The following HIP1R variants were observed in gnomAD, a reference collection of about 807,000 sequenced individuals.
HIP1R encodes the protein huntingtin interacting protein 1 related, also known as huntingtin-interacting protein 1-related protein.
HIP1R carries 135 observed loss-of-function variants against 144.2 expected under a neutral mutation model. The ratio of observed to expected loss-of-function variants is 0.94; its 90% CI spans 0.81 to 1.08. The LOEUF is 1.08. Among genes scored for constraint, HIP1R ranks in the 50% least tolerant of loss-of-function variants. The pLI, the probability that HIP1R is intolerant of heterozygous loss-of-function variation, is 0.00. For synonymous variants in HIP1R, 698 were observed against 612.8 expected (o/e 1.14, Z -2.05); for missense variants, 1,462 against 1,432.8 (o/e 1.02, Z -0.33).
At position 122,859,401 on chromosome 12, in the gene HIP1R, CCT is replaced by C. The variant is rs772906746; in HGVS notation, c.2296-24_2296-23del. 1.6e-5 allele frequency: 26 copies of C among 1,588,768 alleles called. 1 individual carries two copies. Among genetic ancestry groups the C allele is most frequent in the East Asian group, 6.7e-5 (3 of 44,728 alleles). Reference sequence around the variant, plus strand: ...GGGACGGGGGGGGACGGAGGCTACCCCTGTCTGACTCCCATCCTCACCAGGAA... The same window carrying C: ...GGGACGGGGGGGGACGGAGGCTACCCGTCTGACTCCCATCCTCACCAGGAA... On this transcript the variant is annotated intron_variant, in intron 22 of 31. Transcript: ENST00000253083.
In HIP1R at chr12:122,857,007, A is replaced by T. The variant is rs370242252; in HGVS notation, c.1621-14A>T. ...AGCTCTGTTCACATGCCTGGTGTCC[A>T]TGTCTGTCCACAGAGCAAGTCGGAG... On this transcript the variant is annotated splice_polypyrimidine_tract_variant and intron_variant, in intron 17 of 31. Transcript: ENST00000253083. 875 of 1,548,134 alleles carry T rather than the reference A, an allele frequency of 5.7e-4. 3 individuals carry two copies. Among genetic ancestry groups the T allele is most frequent in the Admixed American group, 2.2e-3 (112 of 51,016 alleles).
At chr12:122,846,396 G>A (rs563329440) in intron 1 of HIP1R, among the ~76,000 whole-genome samples, 2 of 152,176 alleles carry the variant, frequency 1.3e-5, no homozygotes, top group Non-Finnish European at 1.5e-5. Flanking sequence ...GCTGGGAGGC[G>A]AGTTGCCCAT....
At position 122,835,463 on chromosome 12, in the gene HIP1R, G is replaced by A. The variant is rs1475305415; in HGVS notation, c.-88G>A. Reference sequence around the variant, plus strand: ...GGGCGGGCCCGGGCGCGGCGCGGTGGCCTCGCGGTGCCTAGGCTGGGGCTG... The same window carrying A: ...GGGCGGGCCCGGGCGCGGCGCGGTGACCTCGCGGTGCCTAGGCTGGGGCTG... On this transcript the variant is annotated 5_prime_UTR_variant, in exon 1 of 32. Transcript: ENST00000253083. 3 of 1,169,284 alleles carry A rather than the reference G, an allele frequency of 2.6e-6. No individual in the cohort carries two copies. The highest frequency in any genetic ancestry group is 1.6e-5 in the African/African-American group (1 of 61,276). 72.4% of individuals were successfully genotyped at this position (1,169,284 alleles called of 1,614,324 possible).
At chr12:122,854,282 A>G (rs1182176239) in intron 8 of HIP1R, 99 bp downstream of exon 8, 15 of 1,021,908 alleles carry the variant, frequency 1.5e-5, no homozygotes, top group Admixed American at 3.0e-5. Context: ...AGGTTTATTC[A>G]TTTAAAAATG....
chr12:122,860,925 A>G lies in HIP1R; in HGVS notation c.2776A>G (p.Asn926Asp). ...QLVAASKVKA[N>D]KHSPHLSRLQ... ...ACCTCTCGCCCCTCAGGTGAAGGCC[A>G]ACAAGCACAGCCCCCACCTGAGCCG... The change falls in exon 29 of 32, where the codon AAC becomes GAC. Residue 926 changes from asparagine (N) to aspartate (D), a missense_variant. Physicochemically the swap from Asn to Asp is conservative, Grantham distance 23. Coordinates refer to ENST00000253083, the MANE Select transcript of HIP1R (RefSeq NM_003959.3). The G allele has an allele frequency of 6.2e-7, 1 of 1,611,404 alleles. No homozygotes were observed. Among genetic ancestry groups the G allele is most frequent in the Non-Finnish European group, 8.5e-7 (1 of 1,178,790 alleles).
In HIP1R at chr12:122,840,183, G is replaced by A. The variant is rs2033019428; in HGVS notation, c.93+4540G>A. 6.6e-6 allele frequency among the ~76,000 whole-genome samples: 1 copy of A among 152,264 alleles called. No homozygotes were observed. Among genetic ancestry groups the A allele is most frequent in the Admixed American group, 6.5e-5 (1 of 15,290 alleles). ...CCCTGGCAGAGCTATTCCAGAGGCT[G>A]TTCTTGGTCCAGGTTGGGGTGGGAA... On this transcript the variant is annotated intron_variant, in intron 1 of 31. Coordinates refer to ENST00000253083, the MANE Select transcript of HIP1R (RefSeq NM_003959.3). This position sits in a 1 kb window ranked among gnomAD's most constrained non-coding sequence, Gnocchi z 4.2.
At chr12:122,835,337 G>T, upstream of HIP1R, 1 of 944,492 alleles carries the variant, frequency 1.1e-6, no homozygotes, top group Non-Finnish European at 1.3e-6. Flanking sequence ...GGAGTTGGGG[G>T]CGGGCGAGGC....
rs2033480344 is a variant in HIP1R, at chr12:122,854,060, A to G, written c.595A>G (p.Thr199Ala). 1 of 1,613,660 alleles carries G rather than the reference A, an allele frequency of 6.2e-7. No homozygotes were observed. The highest frequency in any genetic ancestry group is 8.5e-7 in the Non-Finnish European group (1 of 1,179,858). ...LSESVFRQLNTAIAVSQMSSG... is the reference protein window; with the variant it reads ...LSESVFRQLNAAIAVSQMSSG... ...TTGCACAGTTTTCCGACAGCTCAAC[A>G]CGGCCATCGCCGTATCCCAGATGTC... is the stretch of plus-strand genomic sequence containing the variant. The change falls in exon 8 of 32, where the codon ACG becomes GCG. Residue 199 changes from threonine to alanine, a missense_variant. Coordinates refer to ENST00000253083, the MANE Select transcript of HIP1R (RefSeq NM_003959.3).
At chr12:122,852,357 A>C (rs753057423) in intron 7 of HIP1R, among the ~76,000 whole-genome samples, 1 of 152,164 alleles carries the variant, frequency 6.6e-6, no homozygotes. Context: ...TGTGGCCCCA[A>C]CTGTGCAGCA....
chr12:122,859,851 C>G, intron 24 of HIP1R, 21 bp downstream of exon 24: 1 of 1,608,798 alleles, frequency 6.2e-7, no homozygotes, highest in African/African-American at 1.3e-5. Flanking sequence ...CTTCTGTCCC[C>G]CCAGGCCCAG....
At chr12:122,845,979 C>T (rs2033198352) in intron 1 of HIP1R, among the ~76,000 whole-genome samples, 1 of 152,206 alleles carries the variant, frequency 6.6e-6, no homozygotes, top group South Asian at 2.1e-4. Flanking sequence ...GAGAAACCCC[C>T]GCATCTCTGT....
intron 18 of HIP1R, chr12:122,857,629 C>A: frequency 3.0e-6 from 1 of 329,080 alleles, no homozygotes; most frequent in East Asian, 6.7e-5. Flanking sequence ...CTGGGTCTCA[C>A]CTCTGTTACC....
chr12:122,855,709 G>T (rs563245140), intron 12 of HIP1R, 97 bp downstream of exon 12: 1 of 1,513,570 alleles, frequency 6.6e-7, no homozygotes, highest in Admixed American at 2.0e-5. Context: ...CCATAGGTGG[G>T]GAACATGAAC....
intron 1 of HIP1R, among the ~76,000 whole-genome samples, chr12:122,838,233 T>C (rs1346362199): frequency 6.6e-6 from 1 of 151,974 alleles, no homozygotes; most frequent in Non-Finnish European, 1.5e-5. Context: ...GTGCCTGTGA[T>C]TGTTGCATGG....
At chr12:122,848,916 C>A (rs1428194430) in intron 4 of HIP1R, 64 bp downstream of exon 4, 15 of 1,533,678 alleles carry the variant, frequency 9.8e-6, no homozygotes, top group Non-Finnish European at 1.4e-5. Context: ...TGGGGCTGAG[C>A]GAAGGGTGGC....
intron 3 of HIP1R, 62 bp downstream of exon 3, chr12:122,848,670 C>T (rs1040843718): frequency 6.3e-7 from 1 of 1,594,466 alleles, no homozygotes; most frequent in African/African-American, 1.3e-5. Context: ...GACATGCGGG[C>T]TCTGGCCCTG....
At chr12:122,838,492 T>C (rs2032969925) in intron 1 of HIP1R, among the ~76,000 whole-genome samples, 1 of 152,178 alleles carries the variant, frequency 6.6e-6, no homozygotes, top group African/African-American at 2.4e-5. Flanking sequence ...AGTAGGTAGA[T>C]AGACCTAGGC....
In HIP1R at chr12:122,840,587, T is replaced by TA. The variant is rs570733215; in HGVS notation, c.93+4945dup. Among the ~76,000 whole-genome samples, 244 of 152,302 alleles carry TA rather than the reference T, an allele frequency of 1.6e-3. 1 individual carries two copies. The highest frequency in any genetic ancestry group is 5.6e-3 in the African/African-American group (234 of 41,552). ...TGAATGCCGTGTAAGTGTTGGCTGTTATGTTGTGTTCAGAAGAGCAGGCTG... is the reference window on the plus strand; with the variant it reads ...TGAATGCCGTGTAAGTGTTGGCTGTTAATGTTGTGTTCAGAAGAGCAGGCTG... On this transcript the variant is annotated intron_variant, in intron 1 of 31. Transcript: ENST00000253083. The surrounding 1 kb of genome is among the most constrained non-coding windows in gnomAD (Gnocchi z 4.2).
intron 29 of HIP1R, 23 bp from the exon 30 acceptor site, chr12:122,861,108 A>AC (rs34505207): frequency 2.5e-6 from 4 of 1,612,658 alleles, no homozygotes; most frequent in Non-Finnish European, 2.5e-6. Context: ...CCAGATGTTC[A>AC]CCCCCTTGTC....
Sources: gnomAD v4.1 joint callset for allele counts (sites outside exome capture counted in the v4.1 genomes callset) on GRCh38, gnomAD v4.1.1 for gene constraint, Gnocchi (gnomAD v3.1) non-coding constraint, MANE v1.5 for transcripts, NCBI Gene and HGNC (gene_info 2026-07-23, HGNC 2026-07-21) for gene names.